The following ARHGAP44 variants were observed in gnomAD, a reference collection of about 807,000 sequenced individuals.
The protein encoded by ARHGAP44 is Rho GTPase activating protein 44.
ARHGAP44 carries 43 observed loss-of-function variants against 106.8 expected under a neutral mutation model. That is an observed-to-expected ratio of 0.40 (90% confidence interval 0.32 to 0.52). The LOEUF is 0.52. Ranked by LOEUF, ARHGAP44 falls within the 20% of genes least tolerant of loss-of-function variation. The pLI is 0.48. For missense variants in ARHGAP44, 866 were observed against 1,050.5 expected, an observed-to-expected ratio of 0.82 and a Z score of 2.43; for synonymous variants, 439 against 410.3, an observed-to-expected ratio of 1.07 and a Z score of -0.85.
rs376429148 is a variant in ARHGAP44 at position 12,905,387 on chromosome 17, C to A, written c.199-3510C>A. ...CAAAATGATGAGAAAATGTAGCTTC[C>A]TTGGCTCAGGAGCAGGGTGCCTCCA... On this transcript the variant is annotated intron_variant, in intron 3 of 20. Coordinates refer to ENST00000379672, the MANE Select transcript of ARHGAP44 (RefSeq NM_014859.6). 7.2e-5 allele frequency among the ~76,000 whole-genome samples: 11 copies of A among 152,130 alleles called. No homozygotes were observed. In the East Asian group the frequency reaches 2.1e-3, roughly 29 times the overall value.
At chr17:12,980,264 C>T in intron 19 of ARHGAP44, 31 bp downstream of exon 19, 3 of 1,584,680 alleles carry the variant, frequency 1.9e-6, no homozygotes, top group Admixed American at 3.6e-5. Context: ...TCCTTGGTCT[C>T]AGGCCGGAGG....
At chr17:12,970,395 G>GAAA (rs1407037018) in intron 16 of ARHGAP44, among the ~76,000 whole-genome samples, 4 of 141,488 alleles carry the variant, frequency 2.8e-5, no homozygotes, top group South Asian at 4.6e-4. Context: ...AAAAGAAAAA[G>GAAA]AAGAGAAGAG....
intron 1 of ARHGAP44, among the ~76,000 whole-genome samples, chr17:12,835,634 A>G (rs922902578): frequency 6.6e-6 from 1 of 151,994 alleles, no homozygotes; most frequent in African/African-American, 2.4e-5. Context: ...TATTTAATTA[A>G]AAAAAATTGT....
chr17:12,921,268 C>T (rs1044805327), intron 6 of ARHGAP44, among the ~76,000 whole-genome samples: 67 of 152,108 alleles, frequency 4.4e-4, no homozygotes, highest in African/African-American at 1.6e-3. Flanking sequence ...GGTTCCGCCA[C>T]GTTGGCCAGG....
chr17:12,963,694 A>T (rs1250622304), intron 16 of ARHGAP44, among the ~76,000 whole-genome samples: 4 of 150,024 alleles, frequency 2.7e-5, no homozygotes, highest in African/African-American at 9.9e-5. Context: ...CAGGCCGGCC[A>T]TGCACCAGTG....
intron 1 of ARHGAP44, among the ~76,000 whole-genome samples, chr17:12,828,135 A>G (rs370996416): frequency 8.6e-5 from 13 of 151,828 alleles, no homozygotes; most frequent in African/African-American, 3.1e-4. Context: ...ATTTTTGCCT[A>G]TAATGTCTGT....
chr17:12,821,031 A>G (rs2034754948), intron 1 of ARHGAP44, among the ~76,000 whole-genome samples: 1 of 152,138 alleles, frequency 6.6e-6, no homozygotes, highest in Non-Finnish European at 1.5e-5. Flanking sequence ...TGCCCATTAG[A>G]TTTTAGTTTG....
At chr17:12,837,649 G>C (rs574034076) in intron 1 of ARHGAP44, among the ~76,000 whole-genome samples, 1 of 151,870 alleles carries the variant, frequency 6.6e-6, no homozygotes, top group Non-Finnish European at 1.5e-5. Flanking sequence ...GATCAGGGCA[G>C]GTAGTAGAAC....
intron 1 of ARHGAP44, among the ~76,000 whole-genome samples, chr17:12,822,590 G>T (rs1477528385): frequency 6.6e-6 from 1 of 152,198 alleles, no homozygotes; most frequent in African/African-American, 2.4e-5. Context: ...AGTCTAGAAT[G>T]CAAGCCATTG....
chr17:12,803,264 G>A (rs2034176332), intron 1 of ARHGAP44, among the ~76,000 whole-genome samples: 1 of 151,584 alleles, frequency 6.6e-6, no homozygotes, highest in Non-Finnish European at 1.5e-5. Flanking sequence ...GAGCTACCGC[G>A]CCCAGCCAAT....
intron 1 of ARHGAP44, among the ~76,000 whole-genome samples, chr17:12,813,892 A>C (rs2034514008): frequency 6.6e-6 from 1 of 152,204 alleles, no homozygotes; most frequent in Non-Finnish European, 1.5e-5. Flanking sequence ...GAACTGGGAC[A>C]CACGTAGTCC....
chr17:12,966,366 TTAGACA>T (rs1460706256), intron 16 of ARHGAP44, among the ~76,000 whole-genome samples: 1 of 152,140 alleles, frequency 6.6e-6, no homozygotes, highest in Non-Finnish European at 1.5e-5. Context: ...TCCCCTGGAC[TTAGACA>T]TTGTTGGATG....
At chr17:12,797,367 A>G (rs751004208) in intron 1 of ARHGAP44, among the ~76,000 whole-genome samples, 1 of 152,134 alleles carries the variant, frequency 6.6e-6, no homozygotes, top group Non-Finnish European at 1.5e-5. Context: ...CCTGCTATTG[A>G]TTAGTGTAAT....
intron 3 of ARHGAP44, among the ~76,000 whole-genome samples, chr17:12,903,094 G>C: frequency 7.1e-5 from 4 of 56,362 alleles, no homozygotes; most frequent in African/African-American, 2.9e-4. Context: ...GAGAGAGAGA[G>C]AGAGAGAGAG....
intron 1 of ARHGAP44, among the ~76,000 whole-genome samples, chr17:12,869,810 G>T (rs1165063649): frequency 2.7e-5 from 4 of 150,074 alleles, no homozygotes; most frequent in African/African-American, 9.9e-5. Flanking sequence ...TTTTTACTAT[G>T]CATACTGTTT....
intron 16 of ARHGAP44, among the ~76,000 whole-genome samples, chr17:12,968,763 A>G (rs118122541): frequency 7.2e-6 from 1 of 138,842 alleles, no homozygotes; most frequent in Admixed American, 7.2e-5. Flanking sequence ...TTTTTCTTTT[A>G]TTTCTTTTCT....
chr17:12,833,976 A>G (rs2035163754), intron 1 of ARHGAP44, among the ~76,000 whole-genome samples: 1 of 150,966 alleles, frequency 6.6e-6, no homozygotes, highest in African/African-American at 2.4e-5. Context: ...TTTCAGACTT[A>G]AAGAGGCTGT....
At chr17:12,966,879 G>A (rs1314365045) in intron 16 of ARHGAP44, among the ~76,000 whole-genome samples, 1 of 152,174 alleles carries the variant, frequency 6.6e-6, no homozygotes, top group African/African-American at 2.4e-5. Flanking sequence ...GCAGATGTCT[G>A]ATCTTCAGAG....
At chr17:12,946,020 A>G (rs1318365225) in intron 10 of ARHGAP44, among the ~76,000 whole-genome samples, 1 of 152,112 alleles carries the variant, frequency 6.6e-6, no homozygotes, top group Admixed American at 6.6e-5. Flanking sequence ...CGGCCTCCCA[A>G]AGTGCTGAGA....
Sources: allele counts gnomAD v4.1 joint callset (sites outside exome capture counted in the v4.1 genomes callset), GRCh38; gene constraint gnomAD v4.1.1; transcripts MANE v1.5; gene names NCBI Gene and HGNC (gene_info 2026-07-23, HGNC 2026-07-21).